The following PTPRJ variants were observed in gnomAD, a reference collection of about 807,000 sequenced individuals.
PTPRJ encodes protein tyrosine phosphatase receptor type J.
PTPRJ carries 129 observed loss-of-function variants against 141.3 expected under a neutral mutation model. That is an observed-to-expected ratio of 0.91 (90% CI 0.79 to 1.06). The LOEUF (loss-of-function observed/expected upper bound fraction) is 1.06. Ranked by LOEUF, PTPRJ falls within the 50% of genes least tolerant of loss-of-function variation. The probability of loss-of-function intolerance (pLI) is 0.00; values close to 1 mark genes in which losing one functional copy is unlikely to be tolerated. For missense variants in PTPRJ, 1,601 were observed against 1,679.7 expected (o/e 0.95, Z 0.82); for synonymous variants, 610 against 640.5 (o/e 0.95, Z 0.72).
At chr11:48,129,821 T>A (rs1245077790) in intron 7 of PTPRJ, among the ~76,000 whole-genome samples, 2 of 151,986 alleles carry the variant, frequency 1.3e-5, no homozygotes, top group African/African-American at 4.8e-5. Context: ...TGAGCTCCAG[T>A]CATTGCATCC....
At chr11:48,122,018 T>G (rs1288603641) in intron 4 of PTPRJ, among the ~76,000 whole-genome samples, 1 of 152,136 alleles carries the variant, frequency 6.6e-6, no homozygotes, top group Non-Finnish European at 1.5e-5. Flanking sequence ...GCAGCAAATA[T>G]GAAACCAGTG....
intron 1 of PTPRJ, among the ~76,000 whole-genome samples, chr11:47,985,174 G>T (rs1854017650): frequency 6.6e-6 from 1 of 151,614 alleles, no homozygotes; most frequent in Non-Finnish European, 1.5e-5. Flanking sequence ...AAGAGACAGG[G>T]TCTTGCTTTG....
chr11:48,144,381 C>T (rs1009735700), intron 12 of PTPRJ, among the ~76,000 whole-genome samples: 10 of 152,222 alleles, frequency 6.6e-5, no homozygotes, highest in African/African-American at 2.4e-4. Context: ...GGGAACCCAA[C>T]TCTACCTCAT....
chr11:48,000,376 G>C (rs944744789), intron 1 of PTPRJ, among the ~76,000 whole-genome samples: 7 of 150,982 alleles, frequency 4.6e-5, no homozygotes, highest in South Asian at 2.1e-4. Context: ...CAAGTCCTGG[G>C]CTCAAACGAT....
intron 1 of PTPRJ, among the ~76,000 whole-genome samples, chr11:48,066,653 T>G (rs1161288807): frequency 1.3e-5 from 2 of 151,738 alleles, no homozygotes; most frequent in Non-Finnish European, 2.9e-5. Flanking sequence ...TGGTGCCATC[T>G]TGGCTCACTG....
intron 3 of PTPRJ, among the ~76,000 whole-genome samples, chr11:48,119,039 AAG>A (rs1491022177): frequency 2.6e-5 from 4 of 151,598 alleles, no homozygotes; most frequent in Non-Finnish European, 5.9e-5. Flanking sequence ...AAAAAAAAAA[AAG>A]AAATAATGGT....
At chr11:48,160,186 G>A in intron 22 of PTPRJ, 137 bp downstream of exon 22, 1 of 1,256,538 alleles carries the variant, frequency 8.0e-7, no homozygotes, top group Non-Finnish European at 1.1e-6. Context: ...TTTCAGAACA[G>A]AACAATCCAT....
Position 48,013,319 on chromosome 11 carries a change from A to T in PTPRJ, c.96+32311A>T, listed in dbSNP as rs1437309339. Reference sequence around the variant, plus strand: ...AGATGCCATACCAGGTATGGACCACAGGCTTGGAGCGCAGCAGCATACAGG... The same window carrying T: ...AGATGCCATACCAGGTATGGACCACTGGCTTGGAGCGCAGCAGCATACAGG... On this transcript the variant is annotated intron_variant, in intron 1 of 24. Transcript: ENST00000418331. 1.3e-5 allele frequency among the ~76,000 whole-genome samples: 2 copies of T among 151,994 alleles called. 1 individual carries two copies. Among genetic ancestry groups the T allele is most frequent in the Non-Finnish European group, 2.9e-5 (2 of 67,976 alleles).
At chr11:48,070,361 G>T (rs960108038) in intron 1 of PTPRJ, among the ~76,000 whole-genome samples, 12 of 152,282 alleles carry the variant, frequency 7.9e-5, no homozygotes, top group Admixed American at 6.5e-4. Flanking sequence ...AATTAGCCAG[G>T]TGTGGTGGTG....
intron 7 of PTPRJ, among the ~76,000 whole-genome samples, chr11:48,128,340 G>A (rs142824784): frequency 5.3e-5 from 8 of 152,286 alleles, no homozygotes; most frequent in Non-Finnish European, 8.8e-5. Context: ...TGGAGCCTGC[G>A]CTTGTAACTC....
intron 1 of PTPRJ, among the ~76,000 whole-genome samples, chr11:48,068,560 T>C (rs1301096568): frequency 6.6e-6 from 1 of 152,216 alleles, no homozygotes; most frequent in Non-Finnish European, 1.5e-5. Context: ...CAATTAAGCC[T>C]CTTTCCTTTA....
At chr11:48,083,307 C>G (rs1457498270) in intron 1 of PTPRJ, among the ~76,000 whole-genome samples, 1 of 152,140 alleles carries the variant, frequency 6.6e-6, no homozygotes, top group Non-Finnish European at 1.5e-5. Context: ...CGCCTGTAAT[C>G]CCAGCCAGCT....
intron 1 of PTPRJ, among the ~76,000 whole-genome samples, chr11:48,002,677 A>G (rs1350260606): frequency 6.6e-6 from 1 of 152,132 alleles, no homozygotes; most frequent in Non-Finnish European, 1.5e-5. Flanking sequence ...ATTATTTTTT[A>G]TTGGAAATGC....
intron 1 of PTPRJ, among the ~76,000 whole-genome samples, chr11:48,028,853 T>C (rs1289305646): frequency 6.6e-6 from 1 of 152,216 alleles, no homozygotes; most frequent in East Asian, 1.9e-4. Context: ...GCAAGCCTGA[T>C]TCAGCCTGTA....
At chr11:48,042,759 GGT>G (rs757012527) in intron 1 of PTPRJ, among the ~76,000 whole-genome samples, 1,944 of 146,224 alleles carry the variant, frequency 0.013, 17 homozygotes, top group Admixed American at 0.017. Context: ...TGTGTGTAGG[GGT>G]GTGTGTGTGT....
At chr11:48,051,440 T>C (rs962054470) in intron 1 of PTPRJ, among the ~76,000 whole-genome samples, 6 of 152,066 alleles carry the variant, frequency 3.9e-5, no homozygotes, top group Admixed American at 2.0e-4. Flanking sequence ...ATCATGCTTT[T>C]CCCCCCACCC....
rs1284430944 is a variant in PTPRJ at position 47,980,923 on chromosome 11, C to CGGCGCGGGA, written c.19_27dup (p.Glu7_Arg9dup). ...CAGGGCGCGCGGGGCATGAAGCCGG[C>CGGCGCGGGA]GGCGCGGGAGGCGCGGCTGCCTCCG... On this transcript the variant is annotated inframe_insertion, in exon 1 of 25. Coordinates refer to ENST00000418331, the MANE Select transcript of PTPRJ (RefSeq NM_002843.4). 79 of 1,165,416 alleles carry CGGCGCGGGA rather than the reference C, an allele frequency of 6.8e-5. No individual in the cohort carries two copies. Among genetic ancestry groups the CGGCGCGGGA allele is most frequent in the Non-Finnish European group, 8.1e-5 (77 of 946,352 alleles). 72.2% of individuals were successfully genotyped at this position (1,165,416 alleles called of 1,614,324 possible).
At chr11:48,044,691 T>C (rs148638332) in intron 1 of PTPRJ, 2 of 152,312 alleles carry the variant, frequency 1.3e-5, no homozygotes, top group Non-Finnish European at 2.9e-5. Flanking sequence ...CTGGTATTCG[T>C]TCCTCTACTC....
chr11:47,994,346 AT>A (rs1455422163), intron 1 of PTPRJ, among the ~76,000 whole-genome samples: 6 of 152,012 alleles, frequency 3.9e-5, no homozygotes, highest in African/African-American at 1.4e-4. Flanking sequence ...TGTAACTTAC[AT>A]CTTTTAATTT....
Sources: allele counts gnomAD v4.1 joint callset (sites outside exome capture counted in the v4.1 genomes callset), GRCh38; gene constraint gnomAD v4.1.1; transcripts MANE v1.5; gene names NCBI Gene and HGNC (gene_info 2026-07-23, HGNC 2026-07-21).